The following CCDC47 variants were observed in gnomAD, a reference collection of about 807,000 sequenced individuals.
CCDC47 encodes the protein coiled-coil domain containing 47, also known as PAT complex subunit CCDC47.
A neutral mutation model predicts 60.5 loss-of-function variants in CCDC47; 41 were observed. That is an observed-to-expected ratio of 0.68 (90% CI 0.53 to 0.88). The LOEUF (loss-of-function observed/expected upper bound fraction) is 0.88. CCDC47 is among the 40% of genes least tolerant of loss of function. The pLI is 0.00. For missense variants in CCDC47, 513 were observed against 580.9 expected (o/e 0.88, Z 1.20); for synonymous variants, 195 against 190.7 (o/e 1.02, Z -0.18).
In CCDC47 at chr17:63,761,823, A is replaced by G. The variant is rs1244576447; in HGVS notation, c.548-472T>C. 3 of 979,636 alleles carry G rather than the reference A, an allele frequency of 3.1e-6. No homozygotes were observed. In the African/African-American group the frequency reaches 5.3e-5, roughly 17 times the overall value. The allele number at this position is 979,636 out of a possible 1,614,324, so 60.7% of individuals were successfully genotyped here. A position where few individuals can be genotyped will look rare whatever the true frequency, so the allele number is the denominator to read the frequency against. ...ACTGTTTGGACAGGGACTGAAATAG[A>G]TTAGCACTGTTCGTTTTACTTTTAA... On this transcript the variant is annotated intron_variant, in intron 4 of 12. Coordinates refer to ENST00000225726, the MANE Select transcript of CCDC47 (RefSeq NM_020198.3).
At chr17:63,770,935 C>T (rs952572562) in intron 1 of CCDC47, among the ~76,000 whole-genome samples, 6 of 143,076 alleles carry the variant, frequency 4.2e-5, no homozygotes, top group African/African-American at 1.3e-4. Flanking sequence ...TTGCAGTGAG[C>T]CAAGATCATG....
intron 12 of CCDC47, among the ~76,000 whole-genome samples, chr17:63,748,880 G>T (rs917410294): frequency 2.6e-5 from 4 of 151,938 alleles, no homozygotes; most frequent in Non-Finnish European, 4.4e-5. Context: ...CAGGTGTGGT[G>T]GCGGGCACCT....
At position 63,765,905 on chromosome 17, in the gene CCDC47, G is replaced by A; in HGVS notation, c.264+7C>T. ...TTTTTCCAATAAATTAATAAAAAGA[G>A]CCTCACCTGGGTATCTGCATCTTCA... is the stretch of plus-strand genomic sequence containing the variant. On this transcript the variant is annotated splice_region_variant and intron_variant, in intron 2 of 12. Transcript: ENST00000225726. The A allele has an allele frequency of 1.3e-6, 2 of 1,597,988 alleles. No individual in the cohort carries two copies. Among genetic ancestry groups the A allele is most frequent in the Non-Finnish European group, 1.7e-6 (2 of 1,173,362 alleles).
intron 6 of CCDC47, among the ~76,000 whole-genome samples, chr17:63,759,575 AT>A (rs72322711): frequency 1.4e-4 from 14 of 100,290 alleles, no homozygotes; most frequent in Non-Finnish European, 2.4e-4. Flanking sequence ...ATATATATAT[AT>A]AAAACAATGA....
chr17:63,767,379 AATG>A (rs1312479027), intron 1 of CCDC47, among the ~76,000 whole-genome samples: 5 of 152,206 alleles, frequency 3.3e-5, no homozygotes, highest in East Asian at 3.8e-4. Flanking sequence ...TAACAAATAT[AATG>A]ATATCATATC....
In CCDC47 at chr17:63,760,998, G is replaced by GT. The variant is rs775586140; in HGVS notation, c.670-20dup. 6.2e-7 allele frequency: 1 copy of GT among 1,605,626 alleles called. No homozygotes were observed. On this transcript the variant is annotated intron_variant, in intron 5 of 12. Coordinates refer to ENST00000225726, the MANE Select transcript of CCDC47 (RefSeq NM_020198.3). ...TGAGGAACTGAAAAAAATGAGAGAA[G>GT]TAAGTAAATCCAACTGCAACTCCTA...
chr17:63,756,602 C>G, intron 6 of CCDC47, 32 bp from the exon 7 acceptor site: 1 of 1,492,526 alleles, frequency 6.7e-7, no homozygotes. Flanking sequence ...CAACAAAATT[C>G]ACCTGTTAGG....
intron 12 of CCDC47, among the ~76,000 whole-genome samples, chr17:63,751,359 C>T (rs559672581): frequency 9.9e-4 from 49 of 49,466 alleles, no homozygotes; most frequent in Non-Finnish European, 1.7e-3. Context: ...GAGTGAGACT[C>T]CATCTCAAAA....
chr17:63,748,870 C>T (rs62077500), intron 12 of CCDC47, among the ~76,000 whole-genome samples: 1 of 151,684 alleles, frequency 6.6e-6, no homozygotes, highest in Non-Finnish European at 1.5e-5. Context: ...AAAAATTAGC[C>T]AGGTGTGGTG....
In CCDC47 at chr17:63,752,119, A is replaced by G. The variant is rs1224915931; in HGVS notation, c.1204-12T>C. 1 of 1,610,806 alleles carries G rather than the reference A, an allele frequency of 6.2e-7. No individual in the cohort carries two copies. Among genetic ancestry groups the G allele is most frequent in the East Asian group, 2.2e-5 (1 of 44,852 alleles). ...GCTTTTTGTTTGCCCTTCCCCAAGA[A>G]ACAAAGTATTTCATAAGAAATCCAT... On this transcript the variant is annotated splice_polypyrimidine_tract_variant and intron_variant, in intron 11 of 12. Coordinates refer to ENST00000225726, the MANE Select transcript of CCDC47 (RefSeq NM_020198.3).
intron 8 of CCDC47, 21 bp downstream of exon 8, chr17:63,756,219 T>C: frequency 6.5e-7 from 1 of 1,541,740 alleles, no homozygotes; most frequent in African/African-American, 1.4e-5. Context: ...CTGGCAAATG[T>C]ATGTCTTCTG....
chr17:63,750,548 A>C (rs1263821460), intron 12 of CCDC47, among the ~76,000 whole-genome samples: 1 of 151,736 alleles, frequency 6.6e-6, no homozygotes. Flanking sequence ...TCTCAAGATT[A>C]TTCTTACTAA....
chr17:63,769,624 A>AG (rs1555717185), intron 1 of CCDC47, among the ~76,000 whole-genome samples: 2 of 151,428 alleles, frequency 1.3e-5, no homozygotes, highest in African/African-American at 2.4e-5. Context: ...AAAAAAAAAA[A>AG]AAAAGAAAAG....
At chr17:63,755,308 G>A (rs117617202) in intron 8 of CCDC47, 20,811 of 984,514 alleles carry the variant, frequency 0.021, 281 homozygotes, top group Non-Finnish European at 0.023. Flanking sequence ...ATAAGATAGG[G>A]AATCTCTTTA....
intron 12 of CCDC47, chr17:63,747,280 T>C: frequency 1.0e-6 from 1 of 984,942 alleles, no homozygotes; most frequent in Non-Finnish European, 1.2e-6. Flanking sequence ...ACACTTAGCC[T>C]GATGTTCACC....
At chr17:63,768,593 G>A (rs2144498238) in intron 1 of CCDC47, among the ~76,000 whole-genome samples, 1 of 152,250 alleles carries the variant, frequency 6.6e-6, no homozygotes, top group East Asian at 1.9e-4. Context: ...AGGGCACTGA[G>A]GTGAGAAAAT....
rs575065776 is a variant in CCDC47, at chr17:63,765,754, G to A, written c.264+158C>T. The A allele has an allele frequency of 2.2e-5, 31 of 1,401,852 alleles. No homozygotes were observed. The South Asian group carries it at 4.0e-4, about 18-fold the overall frequency. The allele number at this position is 1,401,852 out of a possible 1,614,324, so 86.8% of individuals were successfully genotyped here. A position where few individuals can be genotyped will look rare whatever the true frequency, so the allele number is the denominator to read the frequency against. ...ACAATTCATTCTGTTAATGTAAAAG[G>A]TGGAAACTTACCACAGAACATTTAG... On this transcript the variant is annotated intron_variant, in intron 2 of 12. Transcript: ENST00000225726.
At chr17:63,749,453 G>GAAAAAA (rs34119562) in intron 12 of CCDC47, among the ~76,000 whole-genome samples, 1 of 101,286 alleles carries the variant, frequency 9.9e-6, no homozygotes, top group Non-Finnish European at 2.1e-5. Flanking sequence ...CCAGAATAAG[G>GAAAAAA]AAAAAAAAAA....
At chr17:63,764,937 A>G (rs2039286399) in intron 2 of CCDC47, 90 bp from the exon 3 acceptor site, 1 of 1,534,366 alleles carries the variant, frequency 6.5e-7, no homozygotes, top group Non-Finnish European at 8.7e-7. Context: ...GGGGAAAACA[A>G]GAACGTGTAA....
Sources: allele counts gnomAD v4.1 joint callset (sites outside exome capture counted in the v4.1 genomes callset), GRCh38; gene constraint gnomAD v4.1.1; transcripts MANE v1.5; gene names NCBI Gene and HGNC (gene_info 2026-07-23, HGNC 2026-07-21).